The following PCNX2 variants were observed in gnomAD, a reference collection of about 807,000 sequenced individuals.
The protein encoded by PCNX2 is pecanex 2, also known as pecanex-like protein 2.
PCNX2 carries 168 observed loss-of-function variants against 223.8 expected under a neutral mutation model. The observed-to-expected ratio is 0.75, with a 90% CI of 0.66 to 0.85. PCNX2 has a LOEUF of 0.85. PCNX2 is among the 40% of genes least tolerant of loss of function. The pLI is 0.00. For synonymous variants in PCNX2, 1,006 were observed against 1,052.6 expected (o/e 0.96, Z 0.86); for missense variants, 2,507 against 2,675.5 (o/e 0.94, Z 1.39).
Position 232,984,140 on chromosome 1 carries a change from A to AAAAAT in PCNX2, c.*163_*164insATTTT. The AAAAAT allele has an allele frequency of 1.1e-5, 3 of 273,758 alleles. No homozygotes were observed. The highest frequency in any genetic ancestry group is 1.3e-5 in the Non-Finnish European group (2 of 158,022). 17.0% of individuals were successfully genotyped at this position (273,758 alleles called of 1,614,324 possible). A position where few individuals can be genotyped will look rare whatever the true frequency, so the allele number is the denominator to read the frequency against. On this transcript the variant is annotated 3_prime_UTR_variant, in exon 34 of 34. Coordinates refer to ENST00000258229, the MANE Select transcript of PCNX2 (RefSeq NM_014801.4). ...TTTTTTTTTTTTTTTTTTTTTCAAA[A>AAAAAT]ACCTGAGATCAGTTCTGTGTTCTGG...
intron 23 of PCNX2, among the ~76,000 whole-genome samples, chr1:233,081,353 A>C (rs1464572504): frequency 3.5e-5 from 4 of 114,062 alleles, no homozygotes; most frequent in African/African-American, 1.7e-4. Flanking sequence ...CTCAAAAATA[A>C]AAAAATAAAA....
chr1:233,176,266 A>T (rs1679468742), intron 17 of PCNX2, among the ~76,000 whole-genome samples: 1 of 152,172 alleles, frequency 6.6e-6, no homozygotes, highest in Admixed American at 6.5e-5. Flanking sequence ...GAACTTTTGA[A>T]GCTGTCCAGA....
intron 1 of PCNX2, among the ~76,000 whole-genome samples, chr1:233,275,374 T>C (rs1434601733): frequency 1.3e-5 from 2 of 152,054 alleles, no homozygotes; most frequent in Non-Finnish European, 2.9e-5. Context: ...AGATAATTTT[T>C]GTGCTTTTAG....
In PCNX2 at chr1:233,178,444, G is replaced by C. The variant is rs563745362; in HGVS notation, c.3177-546C>G. On this transcript the variant is annotated intron_variant, in intron 16 of 33. Transcript: ENST00000258229. Reference sequence around the variant, plus strand: ...AAACTCACTGTGGCATCACATGAAAGATTTCCAGTGCCAGAGTACACGTTA... The same window carrying C: ...AAACTCACTGTGGCATCACATGAAACATTTCCAGTGCCAGAGTACACGTTA... Among the ~76,000 whole-genome samples the C allele has an allele frequency of 2.6e-5, 4 of 152,288 alleles. No homozygotes were observed. In the South Asian group the frequency reaches 8.3e-4, roughly 32 times the overall value.
At chr1:233,316,123 T>C in the PCNX2 span, among the ~76,000 whole-genome samples, 1 of 152,338 alleles carries the variant, frequency 6.6e-6, no homozygotes, top group Non-Finnish European at 1.5e-5. Context: ...CATTGTCCAT[T>C]TCAGCGGCCC....
intron 1 of PCNX2, among the ~76,000 whole-genome samples, chr1:233,268,903 T>C (rs767046624): frequency 2.6e-5 from 4 of 152,144 alleles, no homozygotes; most frequent in African/African-American, 9.7e-5. Flanking sequence ...CAGGAGCTGG[T>C]TGGGCCAAGA....
upstream of PCNX2, among the ~76,000 whole-genome samples, chr1:233,300,333 G>A (rs1662238628): frequency 6.6e-6 from 1 of 152,206 alleles, no homozygotes; most frequent in African/African-American, 2.4e-5. Context: ...AGGGATGAGA[G>A]AAACAATGTA....
Position 233,295,422 on chromosome 1 carries a change from C to G in PCNX2, c.57G>C (p.Gly19=), listed in dbSNP as rs763227252. 7.1e-6 allele frequency: 11 copies of G among 1,552,162 alleles called. No individual in the cohort carries two copies. In the South Asian group the frequency reaches 1.3e-4, roughly 18 times the overall value. ...TCTGCTCCGGGTCGTGGTACCAGCC[C>G]CCGGTGAGCGCGGCCCACACGCCCT... ...LRQGVWAALT[G]GWYHDPEQSK... The change falls in exon 1 of 34, where the codon GGG becomes GGC. Residue 19 remains glycine (G), a synonymous_variant. Coordinates refer to ENST00000258229, the MANE Select transcript of PCNX2 (RefSeq NM_014801.4). This position sits in a 1 kb window ranked among gnomAD's most constrained non-coding sequence, Gnocchi z 4.1.
Position 233,095,831 on chromosome 1 carries a change from G to T in PCNX2, c.3870C>A (p.Val1290=). 6.2e-7 allele frequency: 1 copy of T among 1,612,246 alleles called. No homozygotes were observed. The highest frequency in any genetic ancestry group is 8.5e-7 in the Non-Finnish European group (1 of 1,179,200). The change falls in exon 22 of 34, where the codon GTC becomes GTA. Residue 1290 remains valine, a synonymous_variant. Transcript: ENST00000258229. ...TCTGCCAAGGAGCCACATATGTCAG[G>T]ACGAACTGTAACTTGTGAAGCAGGT... ...LGDLLHKLQF[V]LTYVAPWQMA... is the part of the protein sequence containing the mutation.
At chr1:233,272,373 C>G (rs780527986) in intron 1 of PCNX2, among the ~76,000 whole-genome samples, 4 of 151,274 alleles carry the variant, frequency 2.6e-5, no homozygotes, top group Non-Finnish European at 5.9e-5. Context: ...ATACAAATGG[C>G]CAACAAGCAT....
At chr1:233,203,466 G>A (rs932691106) in intron 13 of PCNX2, among the ~76,000 whole-genome samples, 2 of 152,146 alleles carry the variant, frequency 1.3e-5, no homozygotes, top group African/African-American at 2.4e-5. Flanking sequence ...AAAGTGCACC[G>A]AGTAATATTC....
intron 4 of PCNX2, among the ~76,000 whole-genome samples, chr1:233,260,139 G>GA (rs1659971686): frequency 6.6e-6 from 1 of 152,008 alleles, no homozygotes; most frequent in Non-Finnish European, 1.5e-5. Context: ...TTTGACTAAG[G>GA]AAAAAACAGA....
intron 19 of PCNX2, among the ~76,000 whole-genome samples, chr1:233,152,576 A>T (rs1207586745): frequency 6.6e-6 from 1 of 152,212 alleles, no homozygotes; most frequent in Non-Finnish European, 1.5e-5. Flanking sequence ...ATTTGAAAGC[A>T]TTTTTACATA....
rs916635726 is a variant in PCNX2 at position 233,095,790 on chromosome 1, G to A, written c.3911C>T (p.Ser1304Leu). Residue 1304 changes from serine to leucine, a missense_variant, in exon 22 of 34, where the codon TCG becomes TTG. Transcript: ENST00000258229. ...VAPWQMAWGS[S>L]FHVFAQLFAI... ...AAAGAGCTGAGCAAACACGTGAAAC[G>A]AAGAACCCCAAGCCATCTGCCAAGG... The A allele has an allele frequency of 3.1e-6, 5 of 1,611,538 alleles. No homozygotes were observed. The highest frequency in any genetic ancestry group is 2.2e-5 in the East Asian group (1 of 44,814).
chr1:233,180,414 G>A (rs1038878336), intron 15 of PCNX2, among the ~76,000 whole-genome samples: 1 of 152,072 alleles, frequency 6.6e-6, no homozygotes, highest in Non-Finnish European at 1.5e-5. Context: ...CATACACCAA[G>A]AAGAAAACAT....
rs750823791 is a variant in PCNX2 at position 233,067,365 on chromosome 1, C to CAAAAAAAAAAAAAAAAAAAAA, written c.4077-10096_4077-10076dup. Among the ~76,000 whole-genome samples the CAAAAAAAAAAAAAAAAAAAAA allele has an allele frequency of 5.1e-4, 2 of 3,890 alleles. 1 individual carries two copies. Among genetic ancestry groups the CAAAAAAAAAAAAAAAAAAAAA allele is most frequent in the Admixed American group, 0.012 (2 of 168 alleles). The allele number at this position is 3,890 out of a possible 152,430, so 2.6% of individuals were successfully genotyped here. ...AATAAATGAAAAAATAGAGCTTCAG[C>CAAAAAAAAAAAAAAAAAAAAA]AAAAAAAAAAAAAAAAAAAAAAAAA... On this transcript the variant is annotated intron_variant, in intron 23 of 33. Coordinates refer to ENST00000258229, the MANE Select transcript of PCNX2 (RefSeq NM_014801.4).
chr1:233,284,942 C>T (rs1661372143), intron 1 of PCNX2: 3 of 984,364 alleles, frequency 3.0e-6, no homozygotes, highest in Non-Finnish European at 3.6e-6. Flanking sequence ...GTAATGCTCC[C>T]AGTCAACCCA....
chr1:233,071,079 C>T (rs1267244004), intron 23 of PCNX2, among the ~76,000 whole-genome samples: 1 of 152,108 alleles, frequency 6.6e-6, no homozygotes, highest in Non-Finnish European at 1.5e-5. Flanking sequence ...TACAGCAACA[C>T]TGTACTTAAT....
chr1:233,142,306 C>G (rs1309849956), intron 19 of PCNX2, among the ~76,000 whole-genome samples: 1 of 152,296 alleles, frequency 6.6e-6, no homozygotes, highest in African/African-American at 2.4e-5. Context: ...CTCCTGCATT[C>G]CCTCCCAGCA....
Sources: gnomAD v4.1 joint callset for allele counts (sites outside exome capture counted in the v4.1 genomes callset) on GRCh38, gnomAD v4.1.1 for gene constraint, Gnocchi (gnomAD v3.1) non-coding constraint, MANE v1.5 for transcripts, NCBI Gene and HGNC (gene_info 2026-07-23, HGNC 2026-07-21) for gene names.